TRIP13: variants seen among roughly 807,000 people sequenced by gnomAD.
TRIP13 encodes the protein pachytene checkpoint protein 2 homolog.
Under a neutral mutation model 54.4 loss-of-function variants are expected in TRIP13, and 25 were observed. The ratio of observed to expected loss-of-function variants is 0.46; its 90% confidence interval spans 0.33 to 0.64. TRIP13 has a LOEUF of 0.64. Among genes scored for constraint, TRIP13 ranks in the 30% least tolerant of loss-of-function variants. The pLI, the probability that TRIP13 is intolerant of heterozygous loss-of-function variation, is 0.02. For synonymous variants in TRIP13, 207 were observed against 207.8 expected (o/e 1.00, Z 0.03); for missense variants, 373 against 534.2 (o/e 0.70, Z 2.97).
At position 917,656 on chromosome 5, in the gene TRIP13, A is replaced by G. The variant is rs1754366124; in HGVS notation, c.*553A>G. The G allele has an allele frequency of 6.6e-6, 1 of 152,340 alleles. No homozygotes were observed. The allele number at this position is 152,340 out of a possible 1,614,324, so 9.4% of individuals were successfully genotyped here. A position where few individuals can be genotyped will look rare whatever the true frequency, so the allele number is the denominator to read the frequency against. On this transcript the variant is annotated 3_prime_UTR_variant, in exon 13 of 13. Coordinates refer to ENST00000166345, the MANE Select transcript of TRIP13 (RefSeq NM_004237.4). ...GCCTATTTCTACATTATACCAACTGAGAAAAAAATGGTCGGTAAAGTGTTC... is the reference window on the plus strand; with the variant it reads ...GCCTATTTCTACATTATACCAACTGGGAAAAAAATGGTCGGTAAAGTGTTC...
Position 894,951 on chromosome 5 carries a change from A to G in TRIP13, c.257A>G (p.Gln86Arg), listed in dbSNP as rs1344071808. ...ACAGAATTAAAGGTTAAAGACTCAC[A>G]GGTAAGTTACTAATTTGCTGGGCCA... ...IDTELKVKDS[Q>R]PIDLSACTVA... is the part of the protein sequence containing the mutation. Residue 86 changes from glutamine (Q) to arginine (R), a missense_variant and splice_region_variant, in exon 2 of 13, where the codon CAG becomes CGG. Gln to Arg is a conservative substitution (Grantham distance 43). Around this residue, in one of 4 missense-constraint regions of TRIP13, gnomAD observed 151 missense variants for 151.9 expected, o/e 0.99. Coordinates refer to ENST00000166345, the MANE Select transcript of TRIP13 (RefSeq NM_004237.4). The G allele has an allele frequency of 1.9e-6, 3 of 1,602,672 alleles. No individual in the cohort carries two copies. The highest frequency in any genetic ancestry group is 2.3e-5 in the South Asian group (2 of 87,912).
In TRIP13 at chr5:912,573, C is replaced by T. The variant is rs954108298; in HGVS notation, c.1020+577C>T. ...GGGAGCGTGTGTGAGTCAGGAGGGC[C>T]GTCGCCACGGGCACAGTGACGTGCG... On this transcript the variant is annotated intron_variant, in intron 10 of 12. Transcript: ENST00000166345. This position sits in a 1 kb window ranked among gnomAD's most constrained non-coding sequence, Gnocchi z 7.2. Among the ~76,000 whole-genome samples the T allele has an allele frequency of 1.2e-4, 18 of 150,700 alleles. No individual in the cohort carries two copies. Among genetic ancestry groups the T allele is most frequent in the Admixed American group, 3.3e-4 (5 of 15,158 alleles).
Position 893,003 on chromosome 5 carries a change from ACGAGGCCG to A in TRIP13, c.6_13del (p.Glu3GlyfsTer38). The A allele has an allele frequency of 6.5e-7, 1 of 1,549,558 alleles. No homozygotes were observed. On this transcript the variant is annotated frameshift_variant, in exon 1 of 13. Coordinates refer to ENST00000166345, the MANE Select transcript of TRIP13 (RefSeq NM_004237.4). LOFTEE classifies it high-confidence loss of function. ...CCCACTGCTCTCGGGGGCGCCATGG[ACGAGGCCG>A]TGGGCGACCTGAAGCAGGCGCTTCC... is the stretch of plus-strand genomic sequence containing the variant.
chr5:910,386 A>G (rs1244142377), intron 9 of TRIP13, among the ~76,000 whole-genome samples: 3 of 152,132 alleles, frequency 2.0e-5, no homozygotes, highest in South Asian at 2.1e-4. Flanking sequence ...CCCCTTCAGC[A>G]TAGCTCAGGG....
chr5:909,410 G>A (rs1192211131), intron 9 of TRIP13, among the ~76,000 whole-genome samples: 1 of 152,200 alleles, frequency 6.6e-6, no homozygotes, highest in South Asian at 2.1e-4. Flanking sequence ...ATTGTTGAGT[G>A]TGGGGTGACA....
intron 9 of TRIP13, among the ~76,000 whole-genome samples, chr5:910,229 G>C (rs192359580): frequency 2.0e-5 from 3 of 152,168 alleles, no homozygotes; most frequent in African/African-American, 7.2e-5. Context: ...TTTGCACAGC[G>C]CTGACACCCT....
chr5:918,591 C>T (rs1754378065), downstream of TRIP13, among the ~76,000 whole-genome samples: 1 of 152,102 alleles, frequency 6.6e-6, no homozygotes, highest in South Asian at 2.1e-4. The surrounding 1 kb of genome is among the most constrained non-coding windows in gnomAD (Gnocchi z 4.3). Context: ...TTAGGGTTCT[C>T]TAGAGGGACA....
rs1320037660 is a variant in TRIP13, at chr5:894,657, G to A, written c.93-130G>A. On this transcript the variant is annotated intron_variant, in intron 1 of 12. Coordinates refer to ENST00000166345, the MANE Select transcript of TRIP13 (RefSeq NM_004237.4). ...GTGGCTCTAGATTTGGTCCCAGGCA[G>A]GCCAACTCCAACTTACCCTGTTAAC... 6.4e-6 allele frequency: 7 copies of A among 1,089,032 alleles called. No homozygotes were observed. The African/African-American group carries it at 9.6e-5, about 15-fold the overall frequency. 67.5% of individuals were successfully genotyped at this position (1,089,032 alleles called of 1,614,324 possible).
chr5:894,638 C>G lies in TRIP13; in HGVS notation c.93-149C>G, dbSNP rs1022223815. 1.5e-5 allele frequency: 12 copies of G among 819,022 alleles called. No individual in the cohort carries two copies. The African/African-American group carries it at 2.1e-4, about 14-fold the overall frequency. 50.7% of individuals were successfully genotyped at this position (819,022 alleles called of 1,614,324 possible). ...GAGGACCCACAGGCAAGGGGTGGCT[C>G]TAGATTTGGTCCCAGGCAGGCCAAC... On this transcript the variant is annotated intron_variant, in intron 1 of 12. Transcript: ENST00000166345.
rs761557889 is a variant in TRIP13 at position 894,968 on chromosome 5, G to C, written c.258+16G>C. 1 of 1,592,974 alleles carries C rather than the reference G, an allele frequency of 6.3e-7. No individual in the cohort carries two copies. Among genetic ancestry groups the C allele is most frequent in the South Asian group, 1.1e-5 (1 of 87,026 alleles). ...AGACTCACAGGTAAGTTACTAATTT[G>C]CTGGGCCAAGGAACAGTTAGCTGAA... On this transcript the variant is annotated intron_variant, in intron 2 of 12. Coordinates refer to ENST00000166345, the MANE Select transcript of TRIP13 (RefSeq NM_004237.4).
At position 917,335 on chromosome 5, in the gene TRIP13, G is replaced by T. The variant is rs1474814162; in HGVS notation, c.*232G>T. ...CTTGTCATTTTCACTGTTTGTAAAA[G>T]ATAATTCAGATTGTTTGTCTCCTTG... On this transcript the variant is annotated 3_prime_UTR_variant, in exon 13 of 13. Coordinates refer to ENST00000166345, the MANE Select transcript of TRIP13 (RefSeq NM_004237.4). The T allele has an allele frequency of 9.0e-6, 4 of 445,698 alleles. No individual in the cohort carries two copies. The highest frequency in any genetic ancestry group is 4.1e-5 in the African/African-American group (2 of 49,258). The allele number at this position is 445,698 out of a possible 1,614,324, so 27.6% of individuals were successfully genotyped here.
intron 6 of TRIP13, among the ~76,000 whole-genome samples, chr5:906,525 T>A (rs1302101110): frequency 6.6e-6 from 1 of 152,226 alleles, no homozygotes; most frequent in African/African-American, 2.4e-5. Flanking sequence ...ATTCTTTTTC[T>A]TTTGTGGACT....
At position 896,664 on chromosome 5, in the gene TRIP13, GC is replaced by G; in HGVS notation, c.261del (p.Ile88SerfsTer3). ...DTELKVKDSQPIDLSACTVAL... is the reference protein window; with the variant it reads ...DTELKVKDSQXIDLSACTVAL... Reference sequence around the variant, plus strand: ...CGATATTGGCTTTTCCCTCATTTTAGCCCATCGATTTGAGTGCATGCACTGT... The same window carrying G: ...CGATATTGGCTTTTCCCTCATTTTAGCCATCGATTTGAGTGCATGCACTGT... On this transcript the variant is annotated frameshift_variant and splice_region_variant, in exon 3 of 13. Transcript: ENST00000166345. LOFTEE classifies it high-confidence loss of function. 6.2e-7 allele frequency: 1 copy of G among 1,605,870 alleles called. No individual in the cohort carries two copies. Among genetic ancestry groups the G allele is most frequent in the Non-Finnish European group, 8.5e-7 (1 of 1,174,254 alleles).
At chr5:902,494 C>T (rs1283050303) in intron 5 of TRIP13, among the ~76,000 whole-genome samples, 4 of 152,096 alleles carry the variant, frequency 2.6e-5, no homozygotes, top group Non-Finnish European at 5.9e-5. Context: ...TTGAAAATAC[C>T]TGCAGAAAAT....
At position 908,236 on chromosome 5, in the gene TRIP13, C is replaced by T; in HGVS notation, c.760-119C>T. 2.1e-6 allele frequency: 3 copies of T among 1,411,828 alleles called. No homozygotes were observed. Among genetic ancestry groups the T allele is most frequent in the Non-Finnish European group, 3.0e-6 (3 of 1,013,028 alleles). The allele number at this position is 1,411,828 out of a possible 1,614,324, so 87.5% of individuals were successfully genotyped here. A position where few individuals can be genotyped will look rare whatever the true frequency, so the allele number is the denominator to read the frequency against. Reference sequence around the variant, plus strand: ...TCCACCTTGCCGCAGCATCCGCAGGCTAGGCACGGGAACACCCATTCATTC... The same window carrying T: ...TCCACCTTGCCGCAGCATCCGCAGGTTAGGCACGGGAACACCCATTCATTC... On this transcript the variant is annotated intron_variant, in intron 8 of 12. Transcript: ENST00000166345. The surrounding 1 kb of genome is among the most constrained non-coding windows in gnomAD (Gnocchi z 5.2).
rs932382824 is a variant in TRIP13 at position 902,241 on chromosome 5, A to C, written c.535+810A>C. Among the ~76,000 whole-genome samples the C allele has an allele frequency of 3.9e-5, 6 of 152,312 alleles. No homozygotes were observed. The South Asian group carries it at 1.2e-3, about 32-fold the overall frequency. ...CACCGGGTAGAATGGGGACACGGGAATTGAGTGGACTCGAGAGTATGAAAC... is the reference window on the plus strand; with the variant it reads ...CACCGGGTAGAATGGGGACACGGGACTTGAGTGGACTCGAGAGTATGAAAC... On this transcript the variant is annotated intron_variant, in intron 5 of 12. Transcript: ENST00000166345.
intron 2 of TRIP13, among the ~76,000 whole-genome samples, chr5:895,519 C>A (rs1165646347): frequency 6.6e-6 from 1 of 152,186 alleles, no homozygotes; most frequent in Non-Finnish European, 1.5e-5. Flanking sequence ...CAATTCCTGT[C>A]CTGTAAGAAC....
chr5:916,900 C>A, intron 12 of TRIP13, 108 bp from the exon 13 acceptor site: 1 of 873,646 alleles, frequency 1.1e-6, no homozygotes, highest in Non-Finnish European at 1.8e-6. Context: ...TCAGCTACCA[C>A]CCCCTTCTGT....
rs910888371 is a variant in TRIP13, at chr5:913,598, C to T, written c.1021-867C>T. On this transcript the variant is annotated intron_variant, in intron 10 of 12. Coordinates refer to ENST00000166345, the MANE Select transcript of TRIP13 (RefSeq NM_004237.4). The surrounding 1 kb of genome is among the most constrained non-coding windows in gnomAD (Gnocchi z 4.5). Reference sequence around the variant, plus strand: ...CTCAAACTCCTGACCTCAAGTGATCCGCCCACCTCAGCCTTCCAAAGTGCT... The same window carrying T: ...CTCAAACTCCTGACCTCAAGTGATCTGCCCACCTCAGCCTTCCAAAGTGCT... Among the ~76,000 whole-genome samples, 3 of 152,144 alleles carry T rather than the reference C, an allele frequency of 2.0e-5. No individual in the cohort carries two copies. The highest frequency in any genetic ancestry group is 1.9e-4 in the East Asian group (1 of 5,172).
Sources: allele counts gnomAD v4.1 joint callset (sites outside exome capture counted in the v4.1 genomes callset), GRCh38; gene constraint gnomAD v4.1.1; regional missense constraint gnomAD v4.1.1; non-coding constraint Gnocchi (gnomAD v3.1); transcripts MANE v1.5; gene names NCBI Gene and HGNC (gene_info 2026-07-23, HGNC 2026-07-21).